The following CAMKMT variants were observed in gnomAD, a reference collection of about 807,000 sequenced individuals.
The protein encoded by CAMKMT is CaM KMT.
A neutral mutation model predicts 48.0 loss-of-function variants in CAMKMT; 53 were observed. The ratio of observed to expected loss-of-function variants is 1.10; its 90% confidence interval spans 0.89 to 1.39. The LOEUF (loss-of-function observed/expected upper bound fraction) is 1.39. CAMKMT is among the 40% of genes most tolerant of loss of function. The probability of loss-of-function intolerance (pLI) is 0.00; values close to 1 mark genes in which losing one functional copy is unlikely to be tolerated. For missense variants in CAMKMT, 428 were observed against 402.7 expected (o/e 1.06, Z -0.54); for synonymous variants, 165 against 152.3 (o/e 1.08, Z -0.61).
intron 3 of CAMKMT, among the ~76,000 whole-genome samples, chr2:44,391,544 C>T (rs953816597): frequency 1.3e-5 from 2 of 151,934 alleles, no homozygotes; most frequent in Non-Finnish European, 2.9e-5. Flanking sequence ...TCTTTTAGTT[C>T]TGGGGTAATG....
intron 3 of CAMKMT, among the ~76,000 whole-genome samples, chr2:44,412,910 C>A (rs1339763707): frequency 6.6e-6 from 1 of 150,922 alleles, no homozygotes; most frequent in Non-Finnish European, 1.5e-5. Context: ...ACCCCGTCTC[C>A]ACTAAAAATA....
At chr2:44,535,926 A>T (rs1285520344) in intron 3 of CAMKMT, among the ~76,000 whole-genome samples, 1 of 152,154 alleles carries the variant, frequency 6.6e-6, no homozygotes, top group African/African-American at 2.4e-5. Context: ...AGAAAGTTAC[A>T]TTGTTCTTTG....
At chr2:44,569,201 TATC>T (rs1345966980) in intron 3 of CAMKMT, among the ~76,000 whole-genome samples, 19 of 152,318 alleles carry the variant, frequency 1.2e-4, no homozygotes, top group African/African-American at 4.3e-4. Context: ...CTGGTGATAA[TATC>T]ATCTCACTTC....
rs141428047 is a variant in CAMKMT at position 44,445,883 on chromosome 2, C to G, written c.376+55578C>G. 1.6e-4 allele frequency among the ~76,000 whole-genome samples: 24 copies of G among 152,020 alleles called. No homozygotes were observed. In the East Asian group the frequency reaches 4.7e-3, roughly 30 times the overall value. ...GCAACCAAAGTCTTGAAGTCTCGGACAATGACCCCTTCTGCCAGGAACTCT... is the reference window on the plus strand; with the variant it reads ...GCAACCAAAGTCTTGAAGTCTCGGAGAATGACCCCTTCTGCCAGGAACTCT... On this transcript the variant is annotated intron_variant, in intron 3 of 10. Transcript: ENST00000378494.
chr2:44,728,839 C>CTTTTTTTTTTTTTTTTTTTTT (rs70937931), intron 7 of CAMKMT, among the ~76,000 whole-genome samples: 1 of 58,310 alleles, frequency 1.7e-5, no homozygotes, highest in Non-Finnish European at 3.5e-5. Flanking sequence ...GGGGTCTATC[C>CTTTTTTTTTTTTTTTTTTTTT]TTTTTTTTTT....
At chr2:44,534,751 AT>A (rs1358717092) in intron 3 of CAMKMT, among the ~76,000 whole-genome samples, 1 of 152,180 alleles carries the variant, frequency 6.6e-6, no homozygotes, top group Non-Finnish European at 1.5e-5. Flanking sequence ...AGTTTATAGC[AT>A]TCAATGCCTA....
intron 3 of CAMKMT, among the ~76,000 whole-genome samples, chr2:44,543,696 G>T (rs1667251161): frequency 6.6e-6 from 1 of 152,126 alleles, no homozygotes; most frequent in African/African-American, 2.4e-5. Context: ...TTTCAGGAAA[G>T]CTAGGTGGTT....
intron 3 of CAMKMT, among the ~76,000 whole-genome samples, chr2:44,408,312 C>G (rs1220427922): frequency 6.6e-6 from 1 of 152,044 alleles, no homozygotes; most frequent in African/African-American, 2.4e-5. Flanking sequence ...GCGTGAGCCA[C>G]CGCGCCTGGC....
chr2:44,372,407 C>T (rs1476195351), intron 1 of CAMKMT, among the ~76,000 whole-genome samples: 1 of 151,476 alleles, frequency 6.6e-6, no homozygotes. Context: ...ATCGCCTGAA[C>T]CCAGCTGGGT....
intron 3 of CAMKMT, among the ~76,000 whole-genome samples, chr2:44,514,660 G>C (rs1462300650): frequency 6.6e-6 from 1 of 152,168 alleles, no homozygotes; most frequent in Non-Finnish European, 1.5e-5. Context: ...TTTCTGTCTT[G>C]TTCACTGCTC....
chr2:44,541,023 A>G (rs576006303), intron 3 of CAMKMT, among the ~76,000 whole-genome samples: 3 of 152,284 alleles, frequency 2.0e-5, no homozygotes, highest in Admixed American at 6.5e-5. Flanking sequence ...TAATTTCTAT[A>G]TGTACATGGG....
At chr2:44,638,014 G>A (rs186664929) in intron 3 of CAMKMT, among the ~76,000 whole-genome samples, 3 of 144,396 alleles carry the variant, frequency 2.1e-5, no homozygotes, top group South Asian at 2.2e-4. Context: ...GCAGTGAGCC[G>A]AGATCATGCC....
At chr2:44,763,304 A>C (rs1007814978) in intron 9 of CAMKMT, among the ~76,000 whole-genome samples, 3 of 152,236 alleles carry the variant, frequency 2.0e-5, no homozygotes, top group Non-Finnish European at 4.4e-5. Context: ...TGTGCACAGA[A>C]TGCTGCTCTC....
At chr2:44,467,541 G>GA (rs34692676) in intron 3 of CAMKMT, among the ~76,000 whole-genome samples, 74,429 of 146,562 alleles carry the variant, frequency 0.51, 19,913 homozygotes, top group Middle Eastern at 0.62. Context: ...CTCTGTCTCA[G>GA]AAAAAAAAAC....
intron 3 of CAMKMT, among the ~76,000 whole-genome samples, chr2:44,553,678 G>T (rs951562606): frequency 3.3e-5 from 5 of 152,136 alleles, no homozygotes; most frequent in African/African-American, 1.2e-4. Context: ...TGTTGTTGTT[G>T]TTAGAAATGT....
At chr2:44,445,136 G>A (rs1666904645) in intron 3 of CAMKMT, among the ~76,000 whole-genome samples, 1 of 152,156 alleles carries the variant, frequency 6.6e-6, no homozygotes, top group Admixed American at 6.5e-5. Context: ...TGAGGTCCCG[G>A]GAACTCCAAG....
intron 3 of CAMKMT, among the ~76,000 whole-genome samples, chr2:44,415,098 C>T (rs368679919): frequency 1.1e-4 from 17 of 152,246 alleles, no homozygotes; most frequent in African/African-American, 4.1e-4. Context: ...ATGCAGTGAG[C>T]TGAGATGGCG....
At chr2:44,646,567 C>T (rs1247964117) in intron 3 of CAMKMT, among the ~76,000 whole-genome samples, 1 of 152,158 alleles carries the variant, frequency 6.6e-6, no homozygotes, top group African/African-American at 2.4e-5. Flanking sequence ...TCAGAATCTC[C>T]TCACCAAATC....
At chr2:44,720,384 T>C (rs949515632) in intron 7 of CAMKMT, among the ~76,000 whole-genome samples, 6 of 152,198 alleles carry the variant, frequency 3.9e-5, no homozygotes, top group African/African-American at 1.4e-4. Flanking sequence ...GGTATGCAAG[T>C]CAGACTACTG....
Sources: allele counts gnomAD v4.1 joint callset (sites outside exome capture counted in the v4.1 genomes callset), GRCh38; gene constraint gnomAD v4.1.1; transcripts MANE v1.5; gene names NCBI Gene and HGNC (gene_info 2026-07-23, HGNC 2026-07-21).